ADAMTS7: variants seen among roughly 807,000 people sequenced by gnomAD.
ADAMTS7 encodes the protein A disintegrin and metalloproteinase with thrombospondin motifs 7.
ADAMTS7 carries 89 observed loss-of-function variants against 172.6 expected under a neutral mutation model. The observed-to-expected ratio is 0.52, with a 90% CI of 0.43 to 0.61. The LOEUF (loss-of-function observed/expected upper bound fraction) is 0.61. Ranked by LOEUF, ADAMTS7 falls within the 20% of genes least tolerant of loss-of-function variation. The probability of loss-of-function intolerance (pLI) is 0.00; values close to 1 mark genes in which losing one functional copy is unlikely to be tolerated. For missense variants in ADAMTS7, 1,973 were observed against 2,355.6 expected, an observed-to-expected ratio of 0.84 and a Z score of 3.36; for synonymous variants, 885 against 978.4, an observed-to-expected ratio of 0.90 and a Z score of 1.78.
intron 8 of ADAMTS7, among the ~76,000 whole-genome samples, chr15:78,782,821 G>T (rs956433383): frequency 6.6e-6 from 1 of 151,960 alleles, no homozygotes; most frequent in East Asian, 1.9e-4. Context: ...TGTAAGAACC[G>T]ATCAGACCCT....
rs142378673 is a variant in ADAMTS7 at position 78,771,364 on chromosome 15, A to G, written c.2377-61T>C. The G allele has an allele frequency of 2.0e-3, 3,278 of 1,610,080 alleles. 54 individuals are homozygous for G. The African/African-American group carries it at 0.039, about 19-fold the overall frequency. Reference sequence around the variant, plus strand: ...GTCTTCTCCATCCACCCAGTCCTAAAGGAGCTGACCCCAGCCACCTCTGTG... The same window carrying G: ...GTCTTCTCCATCCACCCAGTCCTAAGGGAGCTGACCCCAGCCACCTCTGTG... On this transcript the variant is annotated intron_variant, in intron 15 of 23. Transcript: ENST00000388820. This position sits in a 1 kb window ranked among gnomAD's most constrained non-coding sequence, Gnocchi z 4.9.
intron 1 of ADAMTS7, among the ~76,000 whole-genome samples, chr15:78,805,228 C>A (rs1013113585): frequency 4.6e-5 from 7 of 152,262 alleles, no homozygotes; most frequent in Non-Finnish European, 1.0e-4. Flanking sequence ...TATGGGACTA[C>A]AACTCCTCAA....
At chr15:78,773,869 C>T (rs2055294168) in intron 13 of ADAMTS7, among the ~76,000 whole-genome samples, 1 of 152,174 alleles carries the variant, frequency 6.6e-6, no homozygotes, top group Non-Finnish European at 1.5e-5. Context: ...CTGGCTGGGG[C>T]GGTGCTGGTG....
chr15:78,776,632 T>C, intron 10 of ADAMTS7, 117 bp downstream of exon 10: 1 of 1,099,866 alleles, frequency 9.1e-7, no homozygotes, highest in Admixed American at 2.1e-5. Context: ...GCAGAGAGCG[T>C]GGGGCTCTGC....
intron 4 of ADAMTS7, 70 bp from the exon 5 acceptor site, chr15:78,791,293 C>G (rs1355998754): frequency 8.4e-7 from 1 of 1,186,292 alleles, no homozygotes; most frequent in Non-Finnish European, 1.1e-6. Flanking sequence ...CCCACCCCAA[C>G]CCACCCACCC....
intron 2 of ADAMTS7, 46 bp from the exon 3 acceptor site, chr15:78,798,159 C>T: frequency 6.7e-7 from 1 of 1,501,176 alleles, no homozygotes; most frequent in South Asian, 1.4e-5. Flanking sequence ...TGGCCCTCAG[C>T]TGCTCTTCTT....
At chr15:78,788,130 C>T (rs1300427460) in intron 8 of ADAMTS7, 101 bp downstream of exon 8, 1 of 1,490,916 alleles carries the variant, frequency 6.7e-7, no homozygotes, top group Non-Finnish European at 9.1e-7. Flanking sequence ...TGCCCCTCTG[C>T]TTCCCTCTAC....
intron 8 of ADAMTS7, among the ~76,000 whole-genome samples, chr15:78,779,391 T>C (rs1180277665): frequency 6.6e-6 from 1 of 152,096 alleles, no homozygotes; most frequent in Non-Finnish European, 1.5e-5. Context: ...ACAAGAGAGA[T>C]GTGATGGCCA....
In ADAMTS7 at chr15:78,766,452, C is replaced by A; in HGVS notation, c.3459G>T (p.Leu1153Phe). The change falls in exon 19 of 24, where the codon TTG becomes TTT. Residue 1153 changes from leucine (L) to phenylalanine (F), a missense_variant. Coordinates refer to ENST00000388820, the MANE Select transcript of ADAMTS7 (RefSeq NM_014272.5). ...TGTCTTCCTCAGGCAGGAAATTGAT[C>A]AAAGGGTTCCCAGGGGTCTGCTCTG... Reference protein sequence around the residue: ...PPSEQTPGNPLINFLPEEDTP... With the variant: ...PPSEQTPGNPFINFLPEEDTP... 1.3e-6 allele frequency: 2 copies of A among 1,550,368 alleles called. No homozygotes were observed. Among genetic ancestry groups the A allele is most frequent in the Non-Finnish European group, 1.7e-6 (2 of 1,150,392 alleles).
intron 23 of ADAMTS7, among the ~76,000 whole-genome samples, chr15:78,761,340 G>A (rs1596168452): frequency 6.6e-6 from 1 of 152,200 alleles, no homozygotes; most frequent in East Asian, 1.9e-4. Context: ...CTGTCCTAGG[G>A]GCAGGGAGCA....
chr15:78,792,758 G>A (rs1466678835), intron 4 of ADAMTS7, among the ~76,000 whole-genome samples: 1 of 152,178 alleles, frequency 6.6e-6, no homozygotes, highest in Non-Finnish European at 1.5e-5. Flanking sequence ...AGGCTGCAGT[G>A]AGCTGAGATT....
chr15:78,763,473 C>T (rs1351077145), intron 22 of ADAMTS7, among the ~76,000 whole-genome samples: 13 of 152,250 alleles, frequency 8.5e-5, no homozygotes, highest in Admixed American at 7.2e-4. Context: ...GTCTCAACCC[C>T]AGACCCCTCC....
At chr15:78,780,179 T>A (rs865850915) in intron 8 of ADAMTS7, among the ~76,000 whole-genome samples, 3,031 of 138,700 alleles carry the variant, frequency 0.022, 87 homozygotes, top group African/African-American at 0.074. Flanking sequence ...TGCCAGGTCC[T>A]CTGCGCTGCC....
At chr15:78,805,881 G>A (rs1316025876) in intron 1 of ADAMTS7, among the ~76,000 whole-genome samples, 1 of 151,884 alleles carries the variant, frequency 6.6e-6, no homozygotes, top group Non-Finnish European at 1.5e-5. Context: ...AGGAGTTCGA[G>A]ACCAGCCTGG....
At chr15:78,769,710 CAAAG>C (rs1275416002) in intron 16 of ADAMTS7, among the ~76,000 whole-genome samples, 1 of 152,248 alleles carries the variant, frequency 6.6e-6, no homozygotes, top group African/African-American at 2.4e-5. Context: ...CTGCCTGAGA[CAAAG>C]AACCCCTGTC....
chr15:78,763,600 T>C, intron 22 of ADAMTS7, 99 bp downstream of exon 22: 1 of 1,406,430 alleles, frequency 7.1e-7, no homozygotes, highest in Non-Finnish European at 9.3e-7. Context: ...ACAAAGAGCC[T>C]GGCTCACAGC....
rs752432463 is a variant in ADAMTS7, at chr15:78,771,774, C to T, written c.2187G>A (p.Glu729=). The T allele has an allele frequency of 3.7e-6, 6 of 1,612,756 alleles. No homozygotes were observed. In the East Asian group the frequency reaches 1.1e-4, roughly 30 times the overall value. Residue 729 remains glutamate (E), a synonymous_variant, in exon 15 of 24, where the codon GAG becomes GAA. Transcript: ENST00000388820. The surrounding 1 kb of genome is among the most constrained non-coding windows in gnomAD (Gnocchi z 4.9). Reference sequence around the variant, plus strand: ...CCAGGAAGTTGGCAGCCTCGGCAACCTCTTGGATGCGGATCTCGCGTGCGC... The same window carrying T: ...CCAGGAAGTTGGCAGCCTCGGCAACTTCTTGGATGCGGATCTCGCGTGCGC... ...PAGAREIRIQ[E]VAEAANFLAL... is the part of the protein sequence containing the mutation.
chr15:78,771,004 GGC>G lies in ADAMTS7; in HGVS notation c.2518+156_2518+157del. On this transcript the variant is annotated intron_variant, in intron 16 of 23. Transcript: ENST00000388820. This position sits in a 1 kb window ranked among gnomAD's most constrained non-coding sequence, Gnocchi z 4.9. ...CCCTCCCAGCGGGCCTGGGACACAG[GGC>G]AATCGCTAGCCTCATCTCACAGATG... 9.1e-7 allele frequency: 1 copy of G among 1,102,708 alleles called. No individual in the cohort carries two copies. Among genetic ancestry groups the G allele is most frequent in the Non-Finnish European group, 1.3e-6 (1 of 779,486 alleles). The allele number at this position is 1,102,708 out of a possible 1,614,324, so 68.3% of individuals were successfully genotyped here.
At chr15:78,783,954 T>C (rs768132982) in intron 8 of ADAMTS7, among the ~76,000 whole-genome samples, 11 of 151,994 alleles carry the variant, frequency 7.2e-5, no homozygotes, top group Non-Finnish European at 1.2e-4. Context: ...GTATTTCAGA[T>C]GAGACACTCA....
Sources: gnomAD v4.1 joint callset for allele counts (sites outside exome capture counted in the v4.1 genomes callset) on GRCh38, gnomAD v4.1.1 for gene constraint, Gnocchi (gnomAD v3.1) non-coding constraint, MANE v1.5 for transcripts, NCBI Gene and HGNC (gene_info 2026-07-23, HGNC 2026-07-21) for gene names.